KIAA0319L: variants seen among roughly 807,000 people sequenced by gnomAD.
KIAA0319L encodes KIAA0319 like, also known as dyslexia-associated protein KIAA0319-like protein.
KIAA0319L carries 55 observed loss-of-function variants against 120.1 expected under a neutral mutation model. The ratio of observed to expected loss-of-function variants is 0.46; its 90% CI spans 0.37 to 0.57. KIAA0319L has a LOEUF of 0.57. KIAA0319L is among the 20% of genes least tolerant of loss of function. The pLI, the probability that KIAA0319L is intolerant of heterozygous loss-of-function variation, is 0.00. For missense variants in KIAA0319L, 1,049 were observed against 1,255.3 expected, an observed-to-expected ratio of 0.84 and a Z score of 2.48; for synonymous variants, 398 against 471.9, an observed-to-expected ratio of 0.84 and a Z score of 2.03.
intron 8 of KIAA0319L, 122 bp downstream of exon 8, chr1:35,462,498 TG>T: frequency 1.4e-6 from 1 of 718,662 alleles, no homozygotes; most frequent in Non-Finnish European, 2.3e-6. Context: ...TCCCCTAACA[TG>T]GTCAAGATGA....
Position 35,523,277 on chromosome 1 carries a change from C to A in KIAA0319L, c.143-16142G>T, listed in dbSNP as rs1481323939. Reference sequence around the variant, plus strand: ...AACCATTGGCTCCATGTCTTTGCCCCTCACTACACTGTAACCTCCAGGACC... The same window carrying A: ...AACCATTGGCTCCATGTCTTTGCCCATCACTACACTGTAACCTCCAGGACC... On this transcript the variant is annotated intron_variant, in intron 2 of 20. Coordinates refer to ENST00000325722, the MANE Select transcript of KIAA0319L (RefSeq NM_024874.5). Among the ~76,000 whole-genome samples the A allele has an allele frequency of 2.6e-5, 4 of 152,296 alleles. No homozygotes were observed. In the East Asian group the frequency reaches 7.7e-4, roughly 29 times the overall value.
chr1:35,526,688 AT>A (rs1345533299), intron 2 of KIAA0319L, among the ~76,000 whole-genome samples: 1 of 152,014 alleles, frequency 6.6e-6, no homozygotes, highest in Non-Finnish European at 1.5e-5. Flanking sequence ...ACTATCATAT[AT>A]TTTGAAGTCA....
chr1:35,495,471 A>G (rs1644765319), intron 3 of KIAA0319L, among the ~76,000 whole-genome samples: 1 of 152,212 alleles, frequency 6.6e-6, no homozygotes, highest in East Asian at 1.9e-4. Context: ...AAATATTAAT[A>G]AACCAGACTT....
chr1:35,483,956 C>T (rs1644269348), intron 3 of KIAA0319L, among the ~76,000 whole-genome samples: 1 of 152,132 alleles, frequency 6.6e-6, no homozygotes, highest in South Asian at 2.1e-4. Flanking sequence ...CTTCACGTGG[C>T]CTTCTTCCGT....
At chr1:35,461,108 A>C (rs1222560906) in intron 8 of KIAA0319L, among the ~76,000 whole-genome samples, 2 of 152,214 alleles carry the variant, frequency 1.3e-5, no homozygotes, top group African/African-American at 4.8e-5. Flanking sequence ...TTATACATCT[A>C]TATGATGGAA....
intron 6 of KIAA0319L, among the ~76,000 whole-genome samples, chr1:35,470,492 C>CAAAAA (rs34215571): frequency 6.8e-5 from 5 of 73,432 alleles, no homozygotes; most frequent in Non-Finnish European, 1.3e-4. Flanking sequence ...GACCCTGTCT[C>CAAAAA]AAAAAAAAAA....
At chr1:35,545,430 T>C (rs1646946096) in intron 2 of KIAA0319L, among the ~76,000 whole-genome samples, 2 of 152,046 alleles carry the variant, frequency 1.3e-5, no homozygotes, top group Non-Finnish European at 2.9e-5. Context: ...GAGAGATGCA[T>C]AGATATTATG....
chr1:35,533,205 A>T (rs1475986094), intron 2 of KIAA0319L: 4 of 152,234 alleles, frequency 2.6e-5, no homozygotes, highest in African/African-American at 9.6e-5. Flanking sequence ...CTTCTCAAGC[A>T]AACTTGAAAA....
chr1:35,528,690 C>T lies in KIAA0319L; in HGVS notation c.143-21555G>A, dbSNP rs77725196. Reference sequence around the variant, plus strand: ...TGATTTTTCTGTTAAGATAATCTGTCTATTGTTGAGAGTGGGGTGTTGAAG... The same window carrying T: ...TGATTTTTCTGTTAAGATAATCTGTTTATTGTTGAGAGTGGGGTGTTGAAG... On this transcript the variant is annotated intron_variant, in intron 2 of 20. Transcript: ENST00000325722. 6.8e-3 allele frequency among the ~76,000 whole-genome samples: 1,029 copies of T among 152,156 alleles called. 9 individuals carry two copies. The highest frequency in any genetic ancestry group is 0.023 in the African/African-American group (973 of 41,524).
chr1:35,441,238 C>A, intron 19 of KIAA0319L, 100 bp from the exon 20 acceptor site: 1 of 985,214 alleles, frequency 1.0e-6, no homozygotes, highest in Non-Finnish European at 1.6e-6. Context: ...TGGTGGGGCA[C>A]CTACTGAGAG....
chr1:35,516,424 AC>A (rs1331362619), intron 2 of KIAA0319L, among the ~76,000 whole-genome samples: 1 of 152,244 alleles, frequency 6.6e-6, no homozygotes, highest in African/African-American at 2.4e-5. Flanking sequence ...GTGATTCATC[AC>A]ATAAAAAGAA....
chr1:35,455,707 A>G (rs1272429513), intron 10 of KIAA0319L, among the ~76,000 whole-genome samples: 1 of 151,066 alleles, frequency 6.6e-6, no homozygotes, highest in Admixed American at 6.6e-5. Flanking sequence ...CAGCCTCCCA[A>G]GTAGCTGGGA....
In KIAA0319L at chr1:35,513,288, A is replaced by ATATATATATAT. The variant is rs1414704674; in HGVS notation, c.143-6154_143-6153insATATATATATA. On this transcript the variant is annotated intron_variant, in intron 2 of 20. Transcript: ENST00000325722. ...ATAACATATATATATATATATATAT[A>ATATATATATAT]TTTTTTTTTTTTTTTTTTTCTGTCC... Among the ~76,000 whole-genome samples, 18 of 85,300 alleles carry ATATATATATAT rather than the reference A, an allele frequency of 2.1e-4. No individual in the cohort carries two copies. The East Asian group carries it at 3.5e-3, about 17-fold the overall frequency. 56.0% of individuals were successfully genotyped at this position (85,300 alleles called of 152,430 possible).
At chr1:35,495,197 A>G (rs1558477661) in intron 3 of KIAA0319L, among the ~76,000 whole-genome samples, 1 of 152,014 alleles carries the variant, frequency 6.6e-6, no homozygotes, top group Non-Finnish European at 1.5e-5. Context: ...ACATGGTGAA[A>G]CCCCATCTCT....
intron 2 of KIAA0319L, chr1:35,511,524 G>A (rs751828950): frequency 1.1e-4 from 17 of 152,080 alleles, no homozygotes; most frequent in Non-Finnish European, 1.9e-4. Context: ...GAGCCCATGA[G>A]TTCAAGACCA....
intron 2 of KIAA0319L, among the ~76,000 whole-genome samples, chr1:35,518,441 C>A (rs1368350754): frequency 6.6e-6 from 1 of 152,160 alleles, no homozygotes; most frequent in Non-Finnish European, 1.5e-5. Context: ...AGGCTATTAT[C>A]TTTAGCAAAC....
intron 2 of KIAA0319L, among the ~76,000 whole-genome samples, chr1:35,511,808 A>G (rs201078927): frequency 6.6e-6 from 1 of 152,336 alleles, no homozygotes; most frequent in East Asian, 1.9e-4. Context: ...GCAGAATACT[A>G]TGTACCATTT....
intron 3 of KIAA0319L, among the ~76,000 whole-genome samples, chr1:35,498,323 A>G (rs1236748779): frequency 6.6e-6 from 1 of 151,926 alleles, no homozygotes; most frequent in Non-Finnish European, 1.5e-5. Context: ...ATAAGTGCGA[A>G]ACTCCCATCT....
chr1:35,448,141 T>C, intron 16 of KIAA0319L, 32 bp downstream of exon 16: 2 of 1,547,612 alleles, frequency 1.3e-6, no homozygotes, highest in East Asian at 4.7e-5. Flanking sequence ...CCCTGGTCTT[T>C]CCTTTGCTCC....
Sources: gnomAD v4.1 joint callset for allele counts (sites outside exome capture counted in the v4.1 genomes callset) on GRCh38, gnomAD v4.1.1 for gene constraint, MANE v1.5 for transcripts, NCBI Gene and HGNC (gene_info 2026-07-23, HGNC 2026-07-21) for gene names.